Variants in NLN observed in about 807,000 individuals in gnomAD.
NLN encodes neurolysin, mitochondrial.
Under a neutral mutation model 79.9 loss-of-function variants are expected in NLN, and 64 were observed. The observed-to-expected ratio is 0.80, with a 90% CI of 0.65 to 0.99. The LOEUF (loss-of-function observed/expected upper bound fraction) is 0.99, where lower values mean the gene tolerates loss of function less well. Ranked by LOEUF, NLN falls within the 50% of genes least tolerant of loss-of-function variation. The pLI is 0.00. For missense variants in NLN, 835 were observed against 858.7 expected, an observed-to-expected ratio of 0.97 and a Z score of 0.34; for synonymous variants, 267 against 296.6, an observed-to-expected ratio of 0.90 and a Z score of 1.02.
At chr5:65,734,812 A>G (rs1409914208) in intron 1 of NLN, among the ~76,000 whole-genome samples, 5 of 152,258 alleles carry the variant, frequency 3.3e-5, no homozygotes, top group Non-Finnish European at 7.3e-5. Flanking sequence ...ACATAGATCT[A>G]ACTATTCTAA....
At chr5:65,740,066 G>A (rs1449655228) in intron 1 of NLN, among the ~76,000 whole-genome samples, 1 of 151,960 alleles carries the variant, frequency 6.6e-6, no homozygotes, top group Non-Finnish European at 1.5e-5. Flanking sequence ...AAAAATCATT[G>A]CCCACACTAG....
At chr5:65,798,482 A>G (rs528505351) in intron 9 of NLN, among the ~76,000 whole-genome samples, 3 of 152,190 alleles carry the variant, frequency 2.0e-5, no homozygotes, top group Non-Finnish European at 4.4e-5. Flanking sequence ...TGTGGAATGA[A>G]TGCATTTATT....
At position 65,722,368 on chromosome 5, in the gene NLN, G is replaced by T. The variant is rs1219893600; in HGVS notation, c.-6G>T. 5.7e-6 allele frequency: 9 copies of T among 1,576,630 alleles called. No individual in the cohort carries two copies. The highest frequency in any genetic ancestry group is 6.9e-6 in the Non-Finnish European group (8 of 1,164,052). On this transcript the variant is annotated 5_prime_UTR_variant, in exon 1 of 13. Transcript: ENST00000380985. ...CGCCCGCCGCCGCCAGCCTCTCAGCGCTCCCATGATCGCCCGGTGCCTTTT... is the reference window on the plus strand; with the variant it reads ...CGCCCGCCGCCGCCAGCCTCTCAGCTCTCCCATGATCGCCCGGTGCCTTTT...
At chr5:65,730,084 C>T (rs1209586020) in intron 1 of NLN, among the ~76,000 whole-genome samples, 3 of 152,052 alleles carry the variant, frequency 2.0e-5, no homozygotes, top group Non-Finnish European at 2.9e-5. Context: ...CTATTATATG[C>T]GAAATAGTAT....
intron 12 of NLN, among the ~76,000 whole-genome samples, chr5:65,816,372 C>G (rs895631721): frequency 6.6e-6 from 1 of 151,914 alleles, no homozygotes; most frequent in Admixed American, 6.6e-5. Flanking sequence ...CACACTGGGG[C>G]CTTTTGGAGA....
intron 9 of NLN, among the ~76,000 whole-genome samples, chr5:65,793,809 T>A (rs571462218): frequency 6.6e-6 from 1 of 152,148 alleles, no homozygotes; most frequent in African/African-American, 2.4e-5. Context: ...AAAGATGATA[T>A]AAGGATTGCC....
intron 1 of NLN, among the ~76,000 whole-genome samples, chr5:65,751,722 C>T (rs252623): frequency 0.45 from 68,036 of 152,008 alleles, 16,106 homozygotes; most frequent in Non-Finnish European, 0.53. Flanking sequence ...ACAAAAGTCT[C>T]AAGGCAATAA....
At chr5:65,764,849 C>T (rs1336842115) in intron 3 of NLN, among the ~76,000 whole-genome samples, 2 of 152,086 alleles carry the variant, frequency 1.3e-5, no homozygotes, top group Non-Finnish European at 2.9e-5. Context: ...CATTGAAGGT[C>T]ATTAGGTGAA....
At chr5:65,754,997 A>G (rs1040117844) in intron 1 of NLN, among the ~76,000 whole-genome samples, 2 of 152,184 alleles carry the variant, frequency 1.3e-5, no homozygotes, top group Non-Finnish European at 2.9e-5. Context: ...CACTCTTGCA[A>G]AGAAACTGCT....
chr5:65,787,166 C>G (rs558958068), intron 7 of NLN, among the ~76,000 whole-genome samples: 1 of 152,134 alleles, frequency 6.6e-6, no homozygotes, highest in South Asian at 2.1e-4. Flanking sequence ...GTGCGAGGAT[C>G]CCTTGAATCT....
At chr5:65,805,148 G>T (rs1199367823) in intron 9 of NLN, among the ~76,000 whole-genome samples, 1 of 152,128 alleles carries the variant, frequency 6.6e-6, no homozygotes, top group Non-Finnish European at 1.5e-5. Context: ...TATACTGACT[G>T]CTCCACCGGC....
intron 12 of NLN, among the ~76,000 whole-genome samples, chr5:65,815,405 G>C (rs1278003889): frequency 6.6e-6 from 1 of 152,164 alleles, no homozygotes; most frequent in Non-Finnish European, 1.5e-5. Flanking sequence ...CAAAGGTGCT[G>C]GGTTGAACTT....
intron 8 of NLN, among the ~76,000 whole-genome samples, chr5:65,789,534 T>C (rs1760010191): frequency 1.3e-5 from 2 of 152,190 alleles, no homozygotes; most frequent in Non-Finnish European, 1.5e-5. Context: ...CCCAGCATTT[T>C]GGAAGGCTGA....
intron 9 of NLN, among the ~76,000 whole-genome samples, chr5:65,801,235 A>G (rs1033518706): frequency 6.6e-6 from 1 of 152,218 alleles, no homozygotes; most frequent in African/African-American, 2.4e-5. Flanking sequence ...ATAAGCAACT[A>G]TTACCAACAC....
intron 9 of NLN, among the ~76,000 whole-genome samples, chr5:65,803,649 C>T (rs1245361790): frequency 6.6e-6 from 1 of 152,062 alleles, no homozygotes; most frequent in East Asian, 1.9e-4. Flanking sequence ...CCCAGGTCTG[C>T]ATCTATGGCT....
intron 2 of NLN, among the ~76,000 whole-genome samples, chr5:65,760,789 A>G (rs551782643): frequency 6.6e-6 from 1 of 152,288 alleles, no homozygotes; most frequent in Non-Finnish European, 1.5e-5. Flanking sequence ...CTCCCAAAGC[A>G]CTGGGCTTAC....
intron 6 of NLN, among the ~76,000 whole-genome samples, chr5:65,783,904 AAAT>A (rs1355522748): frequency 6.6e-6 from 1 of 152,188 alleles, no homozygotes; most frequent in Non-Finnish European, 1.5e-5. Flanking sequence ...TTTAGTTTTA[AAAT>A]AATAATAATT....
intron 1 of NLN, among the ~76,000 whole-genome samples, chr5:65,743,206 C>T (rs146289833): frequency 5.8e-4 from 88 of 152,184 alleles, no homozygotes; most frequent in African/African-American, 2.0e-3. Flanking sequence ...TCAGTATTCA[C>T]GTGGATTTTA....
intron 1 of NLN, among the ~76,000 whole-genome samples, chr5:65,727,295 G>A (rs2548780): frequency 0.21 from 32,127 of 151,994 alleles, 3,538 homozygotes; most frequent in Non-Finnish European, 0.24. Flanking sequence ...AGCCTTCTGA[G>A]TAGCTGGGAC....
Sources: allele counts gnomAD v4.1 joint callset (sites outside exome capture counted in the v4.1 genomes callset), GRCh38; gene constraint gnomAD v4.1.1; transcripts MANE v1.5; gene names NCBI Gene and HGNC (gene_info 2026-07-23, HGNC 2026-07-21).